The following ROCK1 variants were observed in gnomAD, a reference collection of about 807,000 sequenced individuals.
ROCK1 encodes the protein rho-associated protein kinase 1.
ROCK1 carries 36 observed loss-of-function variants against 196.8 expected under a neutral mutation model. The ratio of observed to expected loss-of-function variants is 0.18; its 90% confidence interval spans 0.14 to 0.24. The LOEUF is 0.24. Ranked by LOEUF, ROCK1 falls within the 10% of genes least tolerant of loss-of-function variation. The pLI, the probability that ROCK1 is intolerant of heterozygous loss-of-function variation, is 1.00. For missense variants in ROCK1, 920 were observed against 1,562.0 expected, an observed-to-expected ratio of 0.59 and a Z score of 6.93; for synonymous variants, 443 against 515.9, an observed-to-expected ratio of 0.86 and a Z score of 1.91.
intron 14 of ROCK1, 134 bp downstream of exon 14, chr18:21,007,925 T>G: frequency 2.5e-6 from 1 of 407,222 alleles, no homozygotes; most frequent in Non-Finnish European, 4.1e-6. Context: ...AAATTTAACC[T>G]GAGACCTGGG....
rs781298649 is a variant in ROCK1 at position 20,968,789 on chromosome 18, G to A, written c.2986C>T (p.Arg996Ter). The A allele has an allele frequency of 1.2e-6, 2 of 1,600,238 alleles. No homozygotes were observed. Among genetic ancestry groups the A allele is most frequent in the Admixed American group, 1.7e-5 (1 of 59,960 alleles). Reference sequence around the variant, plus strand: ...ATGTATACCTGTGTTTTAAGGGTTCGTTCAGTGTTGATATTCTTTTCAAAG... The same window carrying A: ...ATGTATACCTGTGTTTTAAGGGTTCATTCAGTGTTGATATTCTTTTCAAAG... ...AAFEKNINTE[R>*]TLKTQAVNKL... Residue 996 changes from arginine (R) to a stop codon, truncating the protein, a stop_gained, in exon 25 of 33, where the codon CGA becomes TGA. Transcript: ENST00000399799. LOFTEE classifies it high-confidence loss of function.
chr18:21,098,113 T>C (rs1477932699), intron 1 of ROCK1, among the ~76,000 whole-genome samples: 2 of 152,228 alleles, frequency 1.3e-5, no homozygotes, highest in African/African-American at 4.8e-5. Flanking sequence ...TGTGCTTCAA[T>C]GTGACGGTGT....
chr18:21,045,214 T>G, intron 5 of ROCK1, 78 bp downstream of exon 5: 1 of 1,288,374 alleles, frequency 7.8e-7, no homozygotes, highest in Non-Finnish European at 1.1e-6. Context: ...ATGGGTGAAC[T>G]GAGAGTAAGA....
At chr18:21,103,975 C>G (rs111381787) in intron 1 of ROCK1, among the ~76,000 whole-genome samples, 4 of 152,314 alleles carry the variant, frequency 2.6e-5, no homozygotes, top group African/African-American at 9.6e-5. Context: ...ACCTGTTCAT[C>G]TTCTTGAACA....
chr18:21,057,626 A>G (rs2036254715), intron 2 of ROCK1, among the ~76,000 whole-genome samples: 1 of 152,216 alleles, frequency 6.6e-6, no homozygotes, highest in African/African-American at 2.4e-5. Context: ...GTTCAAGACC[A>G]GCCTGGCCAA....
At chr18:21,092,842 C>T (rs2036582353) in intron 1 of ROCK1, among the ~76,000 whole-genome samples, 1 of 152,138 alleles carries the variant, frequency 6.6e-6, no homozygotes, top group Admixed American at 6.6e-5. Context: ...ATCATCAAGG[C>T]AATGCAGCAC....
At chr18:20,992,327 A>G (rs2035633446) in intron 17 of ROCK1, among the ~76,000 whole-genome samples, 2 of 152,232 alleles carry the variant, frequency 1.3e-5, no homozygotes, top group East Asian at 1.9e-4. Context: ...TATATCATCT[A>G]TTTAACTCTT....
At chr18:21,019,777 G>A (rs1370846791) in intron 12 of ROCK1, among the ~76,000 whole-genome samples, 20 of 148,970 alleles carry the variant, frequency 1.3e-4, no homozygotes, top group Non-Finnish European at 2.7e-4. Context: ...CAGCCTGGAC[G>A]ACAGAGCGAG....
intron 22 of ROCK1, among the ~76,000 whole-genome samples, chr18:20,976,137 A>G (rs1023746838): frequency 1.4e-5 from 2 of 147,396 alleles, no homozygotes; most frequent in Non-Finnish European, 2.9e-5. Context: ...AAATGAGCCT[A>G]CAACAGTGCC....
intron 9 of ROCK1, among the ~76,000 whole-genome samples, chr18:21,029,784 G>T (rs1044146171): frequency 6.6e-6 from 1 of 151,666 alleles, no homozygotes; most frequent in African/African-American, 2.4e-5. Flanking sequence ...GTTACAAGGG[G>T]TACATCTAAA....
At chr18:21,058,140 AT>A (rs962713877) in intron 2 of ROCK1, among the ~76,000 whole-genome samples, 2 of 152,182 alleles carry the variant, frequency 1.3e-5, no homozygotes, top group Admixed American at 1.3e-4. Flanking sequence ...ACAGATATGG[AT>A]TTTTTTAAAG....
At chr18:20,990,720 A>G (rs1443514206) in intron 18 of ROCK1, among the ~76,000 whole-genome samples, 5 of 147,156 alleles carry the variant, frequency 3.4e-5, no homozygotes, top group Non-Finnish European at 5.9e-5. Context: ...AAAAAAAAAA[A>G]GGAAAGTATC....
intron 1 of ROCK1, among the ~76,000 whole-genome samples, chr18:21,107,021 G>T (rs1239384858): frequency 6.6e-6 from 1 of 152,122 alleles, no homozygotes; most frequent in Non-Finnish European, 1.5e-5. Flanking sequence ...CCTGGGGATG[G>T]GGACCAAGTC....
At chr18:20,968,311 C>CTT (rs545840133) in intron 25 of ROCK1, among the ~76,000 whole-genome samples, 43 of 145,624 alleles carry the variant, frequency 3.0e-4, no homozygotes, top group African/African-American at 1.0e-3. Flanking sequence ...AATCCTATTT[C>CTT]TTTTTTTTTT....
At chr18:21,074,178 A>C (rs1438609943) in intron 1 of ROCK1, among the ~76,000 whole-genome samples, 1 of 152,110 alleles carries the variant, frequency 6.6e-6, no homozygotes, top group Non-Finnish European at 1.5e-5. Context: ...TCAGTCTGTC[A>C]ATCTCTCTTC....
intron 1 of ROCK1, among the ~76,000 whole-genome samples, chr18:21,079,910 C>G (rs2036468670): frequency 6.6e-6 from 1 of 152,198 alleles, no homozygotes; most frequent in Admixed American, 6.5e-5. Flanking sequence ...AGGCCATGCC[C>G]TTGTGCAGTA....
At chr18:21,057,065 C>T (rs1375044487) in intron 2 of ROCK1, among the ~76,000 whole-genome samples, 1 of 152,154 alleles carries the variant, frequency 6.6e-6, no homozygotes, top group African/African-American at 2.4e-5. Context: ...CAGATTTTGA[C>T]CTCTTTGTTA....
At chr18:21,043,794 A>C (rs998074153) in intron 6 of ROCK1, among the ~76,000 whole-genome samples, 1 of 152,010 alleles carries the variant, frequency 6.6e-6, no homozygotes, top group African/African-American at 2.4e-5. Context: ...ATAAGTATTT[A>C]GTGACATTTA....
At chr18:20,965,164 C>G (rs2035360824) in intron 27 of ROCK1, among the ~76,000 whole-genome samples, 1 of 152,098 alleles carries the variant, frequency 6.6e-6, no homozygotes, top group African/African-American at 2.4e-5. Flanking sequence ...CCAAGGCAGG[C>G]AGATAGCTTG....
Sources: allele counts gnomAD v4.1 joint callset (sites outside exome capture counted in the v4.1 genomes callset), GRCh38; gene constraint gnomAD v4.1.1; transcripts MANE v1.5; gene names NCBI Gene and HGNC (gene_info 2026-07-23, HGNC 2026-07-21).